SLCO4A1: variants seen among roughly 807,000 people sequenced by gnomAD.
SLCO4A1 encodes the protein solute carrier organic anion transporter family member 4A1, also known as colon organic anion transporter.
In SLCO4A1, 51 loss-of-function variants were observed where a neutral mutation model predicts 64.6. That is an observed-to-expected ratio of 0.79 (90% confidence interval 0.63 to 1.00). The LOEUF (loss-of-function observed/expected upper bound fraction) is 1.00. Among genes scored for constraint, SLCO4A1 ranks in the 50% least tolerant of loss-of-function variants. The pLI, the probability that SLCO4A1 is intolerant of heterozygous loss-of-function variation, is 0.00. For missense variants in SLCO4A1, 919 were observed against 980.5 expected, an observed-to-expected ratio of 0.94 and a Z score of 0.84; for synonymous variants, 471 against 444.9, an observed-to-expected ratio of 1.06 and a Z score of -0.74.
intron 1 of SLCO4A1, among the ~76,000 whole-genome samples, chr20:62,652,798 C>T (rs899764930): frequency 2.0e-5 from 3 of 152,232 alleles, no homozygotes; most frequent in Non-Finnish European, 4.4e-5. Context: ...GCTGTGGAAT[C>T]TCTGCTGTCC....
At chr20:62,677,066 T>G (rs1243861435), downstream of SLCO4A1, among the ~76,000 whole-genome samples, 1 of 152,188 alleles carries the variant, frequency 6.6e-6, no homozygotes, top group Non-Finnish European at 1.5e-5. Flanking sequence ...TTGTGATTCT[T>G]TTGTAAGAAA....
At chr20:62,663,272 C>T (rs1039350091) in intron 5 of SLCO4A1, 1 of 152,210 alleles carries the variant, frequency 6.6e-6, no homozygotes, top group Admixed American at 6.5e-5. Context: ...AATCCATTTA[C>T]ATTTGGCCAC....
intron 2 of SLCO4A1, among the ~76,000 whole-genome samples, chr20:62,679,279 C>T (rs545742035): frequency 6.6e-6 from 1 of 152,158 alleles, no homozygotes; most frequent in South Asian, 2.1e-4. Context: ...TGATGGTGGA[C>T]GTGGTTCTGG....
Position 62,685,218 on chromosome 20 carries a change from G to A in SLCO4A1, n.212-223G>A, listed in dbSNP as rs1407428098. On this transcript the variant is annotated intron_variant and non_coding_transcript_variant, in intron 2 of 2. Transcript: ENST00000466818. This position sits in a 1 kb window ranked among gnomAD's most constrained non-coding sequence, Gnocchi z 4.6. ...GGGTGCAGTGAAGCAGGCGGGCAGG[G>A]GAGGGTGGCAGCGGGGTGTGGGGGC... is the stretch of plus-strand genomic sequence containing the variant. Among the ~76,000 whole-genome samples, 1 of 149,842 alleles carries A rather than the reference G, an allele frequency of 6.7e-6. No individual in the cohort carries two copies. The highest frequency in any genetic ancestry group is 1.5e-5 in the Non-Finnish European group (1 of 67,274).
intron 2 of SLCO4A1, among the ~76,000 whole-genome samples, chr20:62,684,391 C>T (rs1039983735): frequency 5.9e-5 from 9 of 152,198 alleles, no homozygotes; most frequent in East Asian, 1.9e-4. Flanking sequence ...GTGAGGAAAC[C>T]GAGGCACAAG....
At chr20:62,648,260 G>A (rs773311335) in intron 1 of SLCO4A1, among the ~76,000 whole-genome samples, 28 of 152,258 alleles carry the variant, frequency 1.8e-4, no homozygotes, top group Non-Finnish European at 3.2e-4. Flanking sequence ...TAGATGCACC[G>A]GAGGGGCGGG....
Position 62,656,615 on chromosome 20 carries a change from C to A in SLCO4A1, c.161C>A (p.Thr54Asn). 2 of 1,600,498 alleles carry A rather than the reference C, an allele frequency of 1.2e-6. No individual in the cohort carries two copies. The highest frequency in any genetic ancestry group is 1.7e-4 in the Middle Eastern group (1 of 6,052). Residue 54 changes from threonine to asparagine, a missense_variant, in exon 2 of 12, where the codon ACC (threonine) becomes AAC (asparagine). By Grantham distance (65) the Thr-to-Asn change is moderately conservative. Transcript: ENST00000217159. ...LRSAAHSPLD[T>N]SKQPLCQLWA... ...TCCGCTGCCCATAGCCCCCTGGACA[C>A]CAGCAAGCAGCCCCTCTGCCAGCTC...
chr20:62,649,562 A>T (rs2147062044), intron 1 of SLCO4A1: 1 of 152,480 alleles, frequency 6.6e-6, no homozygotes. Flanking sequence ...CTGGTGTTAG[A>T]TGCAGTCAGG....
chr20:62,678,803 C>T (rs1474828366), intron 2 of SLCO4A1, among the ~76,000 whole-genome samples: 1 of 152,162 alleles, frequency 6.6e-6, no homozygotes, highest in African/African-American at 2.4e-5. Flanking sequence ...AAGAACCAGA[C>T]CCCAGAGGTT....
rs757673039 is a variant in SLCO4A1 at position 62,666,622 on chromosome 20, C to G, written c.1472+47C>G. 34 of 1,529,020 alleles carry G rather than the reference C, an allele frequency of 2.2e-5. No individual in the cohort carries two copies. The Admixed American group carries it at 3.9e-4, about 17-fold the overall frequency. 94.7% of individuals were successfully genotyped at this position (1,529,020 alleles called of 1,614,324 possible). ...GGTACGCGTCGGGGCCCCAAGCACCCGCGGTCCCTGGGCATGGAGGAGGAG... is the reference window on the plus strand; with the variant it reads ...GGTACGCGTCGGGGCCCCAAGCACCGGCGGTCCCTGGGCATGGAGGAGGAG... On this transcript the variant is annotated intron_variant, in intron 7 of 11. Coordinates refer to ENST00000217159, the MANE Select transcript of SLCO4A1 (RefSeq NM_016354.4).
At chr20:62,677,895 A>G (rs930383804) in intron 2 of SLCO4A1, among the ~76,000 whole-genome samples, 1 of 152,250 alleles carries the variant, frequency 6.6e-6, no homozygotes, top group Admixed American at 6.5e-5. Context: ...TGGGTGCTCC[A>G]GTCCCCAGCT....
At position 62,659,880 on chromosome 20, in the gene SLCO4A1, T is replaced by A. The variant is rs113152683; in HGVS notation, c.888-532T>A. ...GACGCGTCCCTGGATGCCCAGAGCT[T>A]GGATGGGCTTCTACCACTCCACGGC... On this transcript the variant is annotated intron_variant, in intron 3 of 11. Coordinates refer to ENST00000217159, the MANE Select transcript of SLCO4A1 (RefSeq NM_016354.4). Among the ~76,000 whole-genome samples, 904 of 152,388 alleles carry A rather than the reference T, an allele frequency of 5.9e-3. 5 individuals carry two copies. The highest frequency in any genetic ancestry group is 0.021 in the African/African-American group (868 of 41,596).
At position 62,685,454 on chromosome 20, in the gene SLCO4A1, A is replaced by G. The variant is rs1988028153; in HGVS notation, n.225A>G. 1.0e-6 allele frequency: 1 copy of G among 985,118 alleles called. No homozygotes were observed. Among genetic ancestry groups the G allele is most frequent in the African/African-American group, 1.7e-5 (1 of 57,210 alleles). The allele number at this position is 985,118 out of a possible 1,614,324, so 61.0% of individuals were successfully genotyped here. Reference sequence around the variant, plus strand: ...TTTTTTCTTAAGGAAGAAGAGAATGAATTTAGAAGGCTGTAAACCCCATCT... The same window carrying G: ...TTTTTTCTTAAGGAAGAAGAGAATGGATTTAGAAGGCTGTAAACCCCATCT... On this transcript the variant is annotated non_coding_transcript_exon_variant, in exon 3 of 3. Transcript: ENST00000466818. The surrounding 1 kb of genome is among the most constrained non-coding windows in gnomAD (Gnocchi z 4.6).
intron 1 of SLCO4A1, among the ~76,000 whole-genome samples, 177 bp from the exon 2 acceptor site, chr20:62,656,182 A>G (rs960208640): frequency 3.9e-5 from 6 of 152,306 alleles, no homozygotes; most frequent in African/African-American, 1.2e-4. Context: ...TGTGGCTGGG[A>G]GACACAGTGC....
downstream of SLCO4A1, among the ~76,000 whole-genome samples, chr20:62,688,263 A>G (rs2427385): frequency 0.89 from 135,912 of 152,172 alleles, 60,753 homozygotes; most frequent in African/African-American, 0.92. Flanking sequence ...TCCCTACGAG[A>G]ACACCTCGCC....
rs116598173 is a variant in SLCO4A1, at chr20:62,652,710, C to G, written c.-96-3649C>G. 9.5e-3 allele frequency among the ~76,000 whole-genome samples: 1,451 copies of G among 152,202 alleles called. 24 individuals are homozygous for G. Among genetic ancestry groups the G allele is most frequent in the African/African-American group, 0.033 (1,357 of 41,554 alleles). On this transcript the variant is annotated intron_variant, in intron 1 of 11. Transcript: ENST00000217159. ...CCCAAACCAGCCTGGCCTGCCAGCT[C>G]GTGGATAGGTGTTGGCATTGTAAAT...
chr20:62,684,458 G>A (rs922256883), intron 2 of SLCO4A1, among the ~76,000 whole-genome samples: 1 of 152,200 alleles, frequency 6.6e-6, no homozygotes, highest in Non-Finnish European at 1.5e-5. Context: ...ACCAGGCTAC[G>A]CTGCCTCTTC....
chr20:62,675,246 G>A (rs1987533725), downstream of SLCO4A1, among the ~76,000 whole-genome samples: 1 of 152,162 alleles, frequency 6.6e-6, no homozygotes, highest in African/African-American at 2.4e-5. Context: ...GCATTGCAAG[G>A]CATCCATCTC....
At chr20:62,657,512 C>T (rs896164121) in intron 2 of SLCO4A1, among the ~76,000 whole-genome samples, 1 of 152,246 alleles carries the variant, frequency 6.6e-6, no homozygotes, top group Non-Finnish European at 1.5e-5. Flanking sequence ...GCAACCCCTG[C>T]GTGGTGTCCA....
Sources: allele counts gnomAD v4.1 joint callset (sites outside exome capture counted in the v4.1 genomes callset), GRCh38; gene constraint gnomAD v4.1.1; non-coding constraint Gnocchi (gnomAD v3.1); transcripts MANE v1.5; gene names NCBI Gene and HGNC (gene_info 2026-07-23, HGNC 2026-07-21).